SVOPL: variants seen among roughly 807,000 people sequenced by gnomAD.
SVOPL encodes putative transporter SVOPL.
SVOPL carries 60 observed loss-of-function variants against 61.0 expected under a neutral mutation model. The observed-to-expected ratio is 0.98, with a 90% confidence interval of 0.80 to 1.22. The LOEUF (loss-of-function observed/expected upper bound fraction) is 1.22, where lower values mean the gene tolerates loss of function less well. Ranked by LOEUF, SVOPL falls within the 50% of genes most tolerant of loss-of-function variation. SVOPL has a pLI of 0.00. For missense variants in SVOPL, 662 were observed against 643.9 expected, an observed-to-expected ratio of 1.03 and a Z score of -0.30; for synonymous variants, 279 against 250.0, an observed-to-expected ratio of 1.12 and a Z score of -1.09.
At chr7:138,637,906 C>T (rs1025359167) in intron 9 of SVOPL, among the ~76,000 whole-genome samples, 8 of 151,714 alleles carry the variant, frequency 5.3e-5, no homozygotes, top group Non-Finnish European at 1.0e-4. Flanking sequence ...GAGCCAAGAT[C>T]GTGCCACTGC....
chr7:138,644,437 C>T (rs1291011146), intron 9 of SVOPL, among the ~76,000 whole-genome samples: 1 of 152,188 alleles, frequency 6.6e-6, no homozygotes, highest in Non-Finnish European at 1.5e-5. Flanking sequence ...AGAAAACAAT[C>T]TCCCATCTAT....
chr7:138,675,210 A>C (rs62485330), intron 3 of SVOPL, among the ~76,000 whole-genome samples: 2 of 150,980 alleles, frequency 1.3e-5, no homozygotes, highest in Non-Finnish European at 2.9e-5. Flanking sequence ...AGACCAGCCT[A>C]GGCAACATAG....
At chr7:138,651,829 C>G (rs1466108059) in intron 7 of SVOPL, among the ~76,000 whole-genome samples, 3 of 152,164 alleles carry the variant, frequency 2.0e-5, no homozygotes, top group Non-Finnish European at 2.9e-5. Flanking sequence ...TCAGATACAA[C>G]AGTATTGAAA....
intron 1 of SVOPL, among the ~76,000 whole-genome samples, chr7:138,680,724 G>A (rs372240382): frequency 2.6e-5 from 4 of 151,930 alleles, no homozygotes; most frequent in Non-Finnish European, 5.9e-5. Flanking sequence ...GACTACAGGC[G>A]CCCGCCACCA....
rs370485628 is a variant in SVOPL at position 138,648,993 on chromosome 7, G to A, written c.660+19C>T. On this transcript the variant is annotated intron_variant, in intron 8 of 15. Transcript: ENST00000674285. ...CAGCAGGAGGAGGGGACAGGAAGGA[G>A]CCACAAGTGCTTCCCCACCTTGAAG... is the stretch of plus-strand genomic sequence containing the variant. The A allele has an allele frequency of 5.0e-6, 8 of 1,613,428 alleles. No homozygotes were observed. In the African/African-American group the frequency reaches 6.7e-5, roughly 13 times the overall value.
chr7:138,605,094 A>G (rs763649007), intron 14 of SVOPL, among the ~76,000 whole-genome samples: 9 of 151,782 alleles, frequency 5.9e-5, no homozygotes, highest in Admixed American at 6.6e-5. Flanking sequence ...TCGCTAATGT[A>G]GAGGAAATGA....
chr7:138,641,635 C>T (rs1230388848), intron 9 of SVOPL, among the ~76,000 whole-genome samples: 5 of 139,004 alleles, frequency 3.6e-5, no homozygotes, highest in African/African-American at 8.0e-5. Context: ...CATGCCACTA[C>T]ACTCCAGCCT....
chr7:138,649,976 C>T (rs536678262), intron 7 of SVOPL, among the ~76,000 whole-genome samples: 29 of 152,100 alleles, frequency 1.9e-4, no homozygotes, highest in South Asian at 4.2e-4. Context: ...GCATTATAGG[C>T]GCGTGCCACC....
At chr7:138,678,657 T>C in intron 2 of SVOPL, 132 bp from the exon 3 acceptor site, 1 of 823,716 alleles carries the variant, frequency 1.2e-6, no homozygotes, top group Non-Finnish European at 1.9e-6. Flanking sequence ...AGGCAACCTC[T>C]GCCTACTGGT....
chr7:138,667,701 G>A (rs1308608179), intron 4 of SVOPL, among the ~76,000 whole-genome samples: 1 of 152,084 alleles, frequency 6.6e-6, no homozygotes, highest in Non-Finnish European at 1.5e-5. Context: ...GGAAACCTCT[G>A]CTTCAAGCCA....
At chr7:138,620,119 G>GTTTTTTTTTTTTTTTTTTTTTTTTTTTTT (rs375556204) in intron 14 of SVOPL, among the ~76,000 whole-genome samples, 1 of 114,588 alleles carries the variant, frequency 8.7e-6, no homozygotes, top group African/African-American at 3.1e-5. Context: ...TTTTTTTTCT[G>GTTTTTTTTTTTTTTTTTTTTTTTTTTTTT]TTTTGTTTTT....
chr7:138,596,677 T>C, intron 14 of SVOPL, 147 bp from the exon 15 acceptor site: 1 of 1,385,894 alleles, frequency 7.2e-7, no homozygotes, highest in East Asian at 2.8e-5. Context: ...CAAATTGATT[T>C]ATCTGAGCCA....
intron 3 of SVOPL, among the ~76,000 whole-genome samples, chr7:138,675,297 T>C (rs748200042): frequency 2.6e-4 from 40 of 152,164 alleles, no homozygotes; most frequent in South Asian, 6.2e-4. Context: ...TGCAACACTT[T>C]TGAAAGATGC....
chr7:138,681,048 T>C (rs1802690299), intron 1 of SVOPL, among the ~76,000 whole-genome samples: 3 of 151,638 alleles, frequency 2.0e-5, no homozygotes, highest in Admixed American at 2.0e-4. Flanking sequence ...TTGTTAATAT[T>C]GTTAGGAACC....
At chr7:138,692,263 T>C (rs1802959305) in intron 1 of SVOPL, among the ~76,000 whole-genome samples, 1 of 152,184 alleles carries the variant, frequency 6.6e-6, no homozygotes, top group East Asian at 1.9e-4. Flanking sequence ...TCAAAAAGCA[T>C]GTGTGTATGC....
chr7:138,668,017 G>T (rs1210171321), intron 4 of SVOPL, among the ~76,000 whole-genome samples: 1 of 152,166 alleles, frequency 6.6e-6, no homozygotes, highest in African/African-American at 2.4e-5. Flanking sequence ...GAGGTTACAA[G>T]ATTCTGACCC....
intron 9 of SVOPL, among the ~76,000 whole-genome samples, chr7:138,630,786 T>C (rs1673165): frequency 0.097 from 14,721 of 151,812 alleles, 873 homozygotes; most frequent in East Asian, 0.27. Context: ...CTACCAAAAA[T>C]ACAAAAATTA....
intron 9 of SVOPL, among the ~76,000 whole-genome samples, chr7:138,639,888 G>A (rs973222123): frequency 1.1e-4 from 16 of 150,094 alleles, no homozygotes; most frequent in African/African-American, 3.9e-4. Flanking sequence ...AGCTAGTTGG[G>A]ACTACAGGTG....
At chr7:138,660,877 A>G (rs967485520) in intron 5 of SVOPL, 1 of 985,200 alleles carries the variant, frequency 1.0e-6, no homozygotes, top group African/African-American at 1.7e-5. Context: ...AGTCATGAAA[A>G]TGTCCATTTC....
Sources: allele counts gnomAD v4.1 joint callset (sites outside exome capture counted in the v4.1 genomes callset), GRCh38; gene constraint gnomAD v4.1.1; transcripts MANE v1.5; gene names NCBI Gene and HGNC (gene_info 2026-07-23, HGNC 2026-07-21).